Variants in GALNTL6 observed in about 807,000 individuals in gnomAD.
GALNTL6 encodes the protein polypeptide N-acetylgalactosaminyltransferase like 6.
GALNTL6 carries 46 observed loss-of-function variants against 73.7 expected under a neutral mutation model. The ratio of observed to expected loss-of-function variants is 0.62; its 90% CI spans 0.49 to 0.80. The LOEUF (loss-of-function observed/expected upper bound fraction) is 0.80, where lower values mean the gene tolerates loss of function less well. Among genes scored for constraint, GALNTL6 ranks in the 30% least tolerant of loss-of-function variants. The pLI is 0.00. For synonymous variants in GALNTL6, 259 were observed against 263.7 expected (o/e 0.98, Z 0.17); for missense variants, 604 against 755.0 (o/e 0.80, Z 2.34).
At chr4:172,826,992 C>G (rs974451298) in intron 7 of GALNTL6, among the ~76,000 whole-genome samples, 3 of 152,206 alleles carry the variant, frequency 2.0e-5, no homozygotes, top group Non-Finnish European at 4.4e-5. Flanking sequence ...CAGGTGTCAT[C>G]TGATGCTTTA....
chr4:171,985,138 A>G (rs888226935), intron 2 of GALNTL6, among the ~76,000 whole-genome samples: 1 of 152,132 alleles, frequency 6.6e-6, no homozygotes, highest in African/African-American at 2.4e-5. Flanking sequence ...AAAATCCTGT[A>G]TTGAGTGTAC....
chr4:172,781,532 G>A (rs1560948597), intron 5 of GALNTL6, among the ~76,000 whole-genome samples: 2 of 152,046 alleles, frequency 1.3e-5, no homozygotes, highest in South Asian at 4.1e-4. Flanking sequence ...GGGTTGACAT[G>A]TTACCCTTTC....
At chr4:171,953,804 G>C (rs1159824357) in intron 2 of GALNTL6, among the ~76,000 whole-genome samples, 1 of 152,128 alleles carries the variant, frequency 6.6e-6, no homozygotes, top group Non-Finnish European at 1.5e-5. Flanking sequence ...AATAGCCCAA[G>C]AGACAGTAAA....
intron 12 of GALNTL6, among the ~76,000 whole-genome samples, chr4:173,036,373 G>A (rs1753696951): frequency 6.6e-6 from 1 of 152,092 alleles, no homozygotes; most frequent in Non-Finnish European, 1.5e-5. Context: ...ATAAAGTCTA[G>A]CACAAACCCA....
chr4:172,248,995 T>G (rs1266935732), intron 3 of GALNTL6, among the ~76,000 whole-genome samples: 2 of 151,574 alleles, frequency 1.3e-5, no homozygotes, highest in Non-Finnish European at 2.9e-5. Context: ...CTGCAGAGAG[T>G]GGGGAGCTGC....
chr4:171,921,595 G>A, intron 2 of GALNTL6, among the ~76,000 whole-genome samples: 1 of 152,052 alleles, frequency 6.6e-6, no homozygotes, highest in Non-Finnish European at 1.5e-5. Flanking sequence ...GTATTCTAGG[G>A]AAAAGCTGCA....
intron 5 of GALNTL6, among the ~76,000 whole-genome samples, chr4:172,544,717 A>C (rs773548332): frequency 2.0e-5 from 3 of 152,216 alleles, no homozygotes; most frequent in Non-Finnish European, 2.9e-5. Flanking sequence ...TTGCTTTCCT[A>C]GCATGAACAG....
At chr4:172,414,684 A>T (rs995487043) in intron 5 of GALNTL6, among the ~76,000 whole-genome samples, 5 of 152,138 alleles carry the variant, frequency 3.3e-5, no homozygotes, top group African/African-American at 1.2e-4. Flanking sequence ...CTTTCCTAGA[A>T]GTTCTTGAAT....
intron 2 of GALNTL6, among the ~76,000 whole-genome samples, chr4:171,961,439 CA>C (rs1353465468): frequency 1.3e-5 from 2 of 151,958 alleles, no homozygotes; most frequent in Non-Finnish European, 2.9e-5. Flanking sequence ...CTTTAAAAAA[CA>C]AAAAAGTCTT....
chr4:172,962,913 G>A (rs965353107), intron 10 of GALNTL6, among the ~76,000 whole-genome samples: 4 of 152,036 alleles, frequency 2.6e-5, no homozygotes, highest in East Asian at 1.9e-4. Flanking sequence ...TCTGCCTGCC[G>A]CGCTTCGGTT....
At chr4:172,206,880 T>C (rs1035577819) in intron 2 of GALNTL6, among the ~76,000 whole-genome samples, 10 of 135,886 alleles carry the variant, frequency 7.4e-5, no homozygotes, top group African/African-American at 1.6e-4. Flanking sequence ...TGCAGTGGTG[T>C]GATCTCCACT....
At chr4:172,731,099 G>A (rs544890271) in intron 5 of GALNTL6, among the ~76,000 whole-genome samples, 159 of 150,338 alleles carry the variant, frequency 1.1e-3, no homozygotes, top group African/African-American at 3.5e-3. Flanking sequence ...AAAAAAAAGA[G>A]TTTGAGAGTT....
chr4:172,291,564 T>C (rs1222359140), intron 3 of GALNTL6, among the ~76,000 whole-genome samples: 5 of 152,132 alleles, frequency 3.3e-5, no homozygotes, highest in Non-Finnish European at 7.4e-5. Flanking sequence ...AGATTTAGTT[T>C]TTCAAATTCT....
intron 2 of GALNTL6, among the ~76,000 whole-genome samples, chr4:172,024,218 T>C (rs914191649): frequency 6.6e-6 from 1 of 151,882 alleles, no homozygotes; most frequent in Non-Finnish European, 1.5e-5. Context: ...ACTGAGAATA[T>C]CCTTTTGTTT....
chr4:172,916,571 G>A lies in GALNTL6; in HGVS notation c.1042-14590G>A, dbSNP rs1441493685. 3.3e-5 allele frequency among the ~76,000 whole-genome samples: 5 copies of A among 152,200 alleles called. No individual in the cohort carries two copies. In the East Asian group the frequency reaches 7.7e-4, roughly 24 times the overall value. On this transcript the variant is annotated intron_variant, in intron 8 of 12. Coordinates refer to ENST00000506823, the MANE Select transcript of GALNTL6 (RefSeq NM_001034845.3). ...AAGTCTCAGGATACAAAATCAATGT[G>A]CAAAAATCACAAGCATTCCTATACA...
chr4:172,316,715 A>T (rs758106927), intron 4 of GALNTL6, among the ~76,000 whole-genome samples: 1 of 152,210 alleles, frequency 6.6e-6, no homozygotes, highest in Non-Finnish European at 1.5e-5. Context: ...TTGCTATGAA[A>T]ACATTCGCTT....
chr4:172,248,711 C>T (rs1270567218), intron 3 of GALNTL6, among the ~76,000 whole-genome samples: 1 of 151,974 alleles, frequency 6.6e-6, no homozygotes, highest in Non-Finnish European at 1.5e-5. Flanking sequence ...GGGGTGGTTC[C>T]CCCATGCTAT....
intron 5 of GALNTL6, among the ~76,000 whole-genome samples, chr4:172,448,612 A>C (rs577768362): frequency 6.6e-6 from 1 of 152,312 alleles, no homozygotes; most frequent in African/African-American, 2.4e-5. Flanking sequence ...TCTATTCGCT[A>C]TCTGGGGAAC....
chr4:172,672,173 G>A (rs1732024361), intron 5 of GALNTL6, among the ~76,000 whole-genome samples: 1 of 152,190 alleles, frequency 6.6e-6, no homozygotes, highest in African/African-American at 2.4e-5. Flanking sequence ...TTACAGGAGT[G>A]AGCCAGCATG....
Sources: gnomAD v4.1 joint callset for allele counts (sites outside exome capture counted in the v4.1 genomes callset) on GRCh38, gnomAD v4.1.1 for gene constraint, MANE v1.5 for transcripts, NCBI Gene and HGNC (gene_info 2026-07-23, HGNC 2026-07-21) for gene names.